The following ZDHHC11B variants were observed in gnomAD, a reference collection of about 807,000 sequenced individuals.
ZDHHC11B encodes the protein probable palmitoyltransferase ZDHHC11B.
A neutral mutation model predicts 42.3 loss-of-function variants in ZDHHC11B; 17 were observed. That is an observed-to-expected ratio of 0.40 (90% CI 0.27 to 0.60). The LOEUF is 0.60. ZDHHC11B is among the 20% of genes least tolerant of loss of function. The probability of loss-of-function intolerance (pLI) is 0.41; values close to 1 mark genes in which losing one functional copy is unlikely to be tolerated. For synonymous variants in ZDHHC11B, 123 were observed against 193.5 expected (o/e 0.64, Z 3.02); for missense variants, 262 against 463.2 (o/e 0.57, Z 3.99).
chr5:772,448 A>T (rs78070947), intron 1 of ZDHHC11B, among the ~76,000 whole-genome samples: 27,650 of 146,248 alleles, frequency 0.19, 414 homozygotes, highest in Middle Eastern at 0.26. Context: ...TCGGGCTGGG[A>T]CTTGGATACC....
intron 1 of ZDHHC11B, among the ~76,000 whole-genome samples, chr5:780,724 G>C (rs1236394264): frequency 6.6e-6 from 1 of 150,832 alleles, no homozygotes; most frequent in Admixed American, 6.7e-5. Flanking sequence ...TGGCGAAGGT[G>C]GCAGGAACAA....
intron 7 of ZDHHC11B, among the ~76,000 whole-genome samples, chr5:750,559 G>A (rs1275087168): frequency 7.7e-6 from 1 of 130,696 alleles, no homozygotes; most frequent in East Asian, 3.1e-4. Context: ...TCCCGAGGAT[G>A]CTGGCATCAC....
chr5:760,745 G>A (rs1209732153), intron 4 of ZDHHC11B, among the ~76,000 whole-genome samples: 1 of 151,776 alleles, frequency 6.6e-6, no homozygotes, highest in Non-Finnish European at 1.5e-5. Context: ...GATGAGGATT[G>A]CAACAGAAAG....
chr5:729,486 C>A (rs1399602680), intron 12 of ZDHHC11B, among the ~76,000 whole-genome samples: 2 of 150,850 alleles, frequency 1.3e-5, no homozygotes, highest in Non-Finnish European at 3.0e-5. Context: ...AGGCTGGGGA[C>A]TGAGATGTGA....
chr5:725,189 C>G (rs1159925743), intron 12 of ZDHHC11B, among the ~76,000 whole-genome samples: 1 of 151,130 alleles, frequency 6.6e-6, no homozygotes, highest in Admixed American at 6.6e-5. Flanking sequence ...CTTGTGAGGA[C>G]AAGCAGAGGA....
chr5:730,517 T>C, intron 11 of ZDHHC11B, 49 bp from the exon 12 acceptor site: 1 of 1,531,860 alleles, frequency 6.5e-7, no homozygotes, highest in South Asian at 1.3e-5. Flanking sequence ...AAGACCTTGT[T>C]GACATTAAAC....
At chr5:732,968 A>G (rs1344512287) in intron 11 of ZDHHC11B, among the ~76,000 whole-genome samples, 2 of 151,716 alleles carry the variant, frequency 1.3e-5, no homozygotes, top group South Asian at 4.2e-4. Context: ...GAGGTGGGAC[A>G]ATTGCTTGAG....
intron 4 of ZDHHC11B, among the ~76,000 whole-genome samples, chr5:764,356 C>T (rs1225262154): frequency 4.0e-5 from 6 of 149,810 alleles, no homozygotes; most frequent in East Asian, 1.9e-4. Flanking sequence ...AGGCCAGAGC[C>T]GGCTCCCTCG....
At chr5:730,889 A>C (rs1319822205) in intron 11 of ZDHHC11B, among the ~76,000 whole-genome samples, 1 of 151,872 alleles carries the variant, frequency 6.6e-6, no homozygotes, top group Non-Finnish European at 1.5e-5. Context: ...GCCGTCTACA[A>C]GGCAAGGAGA....
At chr5:743,399 T>G (rs1422120101) in intron 9 of ZDHHC11B, among the ~76,000 whole-genome samples, 2 of 148,344 alleles carry the variant, frequency 1.3e-5, no homozygotes, top group African/African-American at 4.9e-5. Context: ...CTAGGTCTTT[T>G]GAATTTGCAT....
chr5:715,585 A>T, intron 13 of ZDHHC11B, among the ~76,000 whole-genome samples: 1 of 151,466 alleles, frequency 6.6e-6, no homozygotes, highest in African/African-American at 2.4e-5. Context: ...CTTCAATCTC[A>T]GTGGATTTGT....
At chr5:736,459 G>C (rs1743529059) in intron 10 of ZDHHC11B, among the ~76,000 whole-genome samples, 1 of 149,682 alleles carries the variant, frequency 6.7e-6, no homozygotes, top group South Asian at 2.2e-4. Flanking sequence ...CTATATCCTA[G>C]AACAAAAGGA....
chr5:732,037 T>C (rs1445459690), intron 11 of ZDHHC11B: 1 of 152,256 alleles, frequency 6.6e-6, no homozygotes, highest in African/African-American at 2.4e-5. Context: ...GTTTGTTCCA[T>C]TCATCGAGTC....
rs1272626313 is a variant in ZDHHC11B, at chr5:750,233, C to T, written c.628+900G>A. On this transcript the variant is annotated intron_variant, in intron 7 of 13. Coordinates refer to ENST00000508859, the MANE Select transcript of ZDHHC11B (RefSeq NM_001351303.2). ...CTGCAATAAATACATCAAATGGTGG[C>T]GGGTGGGGGCAGCTTCTCCAGCAGA... Among the ~76,000 whole-genome samples the T allele has an allele frequency of 1.6e-4, 20 of 127,810 alleles. 2 individuals carry two copies. The highest frequency in any genetic ancestry group is 1.0e-3 in the Admixed American group (12 of 11,780). 83.8% of individuals were successfully genotyped at this position (127,810 alleles called of 152,430 possible).
intron 12 of ZDHHC11B, among the ~76,000 whole-genome samples, chr5:721,539 CA>C (rs1436351191): frequency 2.0e-5 from 3 of 151,162 alleles, no homozygotes; most frequent in East Asian, 2.0e-4. Flanking sequence ...TGGAGGGTCC[CA>C]GGGGCAAGGG....
At chr5:762,598 T>G (rs1196764917) in intron 4 of ZDHHC11B, among the ~76,000 whole-genome samples, 1 of 151,712 alleles carries the variant, frequency 6.6e-6, no homozygotes, top group Non-Finnish European at 1.5e-5. Context: ...ATGGGGTGGT[T>G]GAATGAGAGG....
intron 1 of ZDHHC11B, among the ~76,000 whole-genome samples, chr5:774,712 AGGGGT>A (rs1561201538): frequency 1.0e-4 from 5 of 48,972 alleles, no homozygotes; most frequent in Non-Finnish European, 1.7e-4. Flanking sequence ...CACTAGGGCC[AGGGGT>A]CTGCCCCTTG....
chr5:756,531 G>A (rs1237417078), intron 4 of ZDHHC11B, among the ~76,000 whole-genome samples: 1 of 151,242 alleles, frequency 6.6e-6, no homozygotes, highest in Non-Finnish European at 1.5e-5. Context: ...TGGACACAGG[G>A]CAAATCCCCC....
chr5:712,861 A>G (rs1425254398), intron 13 of ZDHHC11B, among the ~76,000 whole-genome samples: 3 of 151,480 alleles, frequency 2.0e-5, no homozygotes, highest in African/African-American at 7.3e-5. Context: ...GTGAGCCAAG[A>G]TTGGGCCACT....
Sources: gnomAD v4.1 joint callset for allele counts (sites outside exome capture counted in the v4.1 genomes callset) on GRCh38, gnomAD v4.1.1 for gene constraint, MANE v1.5 for transcripts, NCBI Gene and HGNC (gene_info 2026-07-23, HGNC 2026-07-21) for gene names.